TMEM242: variants seen among roughly 807,000 people sequenced by gnomAD.
The protein encoded by TMEM242 is transmembrane protein 242.
In TMEM242, 10 loss-of-function variants were observed where a neutral mutation model predicts 18.2. The observed-to-expected ratio is 0.55, with a 90% CI of 0.34 to 0.93. TMEM242 has a LOEUF of 0.93. TMEM242 is among the 40% of genes least tolerant of loss of function. The pLI is 0.02. For missense variants in TMEM242, 186 were observed against 175.5 expected, an observed-to-expected ratio of 1.06 and a Z score of -0.34; for synonymous variants, 57 against 69.9, an observed-to-expected ratio of 0.81 and a Z score of 0.92.
intron 3 of TMEM242, chr6:157,299,553 AT>A: frequency 6.5e-7 from 1 of 1,528,904 alleles, no homozygotes; most frequent in Non-Finnish European, 9.0e-7. Context: ...TTTTTGGAAA[AT>A]GCACTCAACT....
chr6:157,308,744 AAG>A (rs1777949906), intron 3 of TMEM242, among the ~76,000 whole-genome samples: 1 of 151,682 alleles, frequency 6.6e-6, no homozygotes, highest in Non-Finnish European at 1.5e-5. Context: ...TACAGGAAGA[AAG>A]AGAGTTGGGG....
intron 3 of TMEM242, among the ~76,000 whole-genome samples, chr6:157,310,517 C>A (rs1554248313): frequency 1.4e-5 from 2 of 146,692 alleles, no homozygotes; most frequent in Non-Finnish European, 3.0e-5. Flanking sequence ...TGTACACTCA[C>A]CTGGCCTCAT....
intron 2 of TMEM242, among the ~76,000 whole-genome samples, chr6:157,319,558 G>C (rs1458788662): frequency 1.3e-5 from 2 of 152,160 alleles, no homozygotes; most frequent in Non-Finnish European, 2.9e-5. Flanking sequence ...AAAGAAAAAT[G>C]AATGTCCATT....
chr6:157,310,480 T>A (rs1554248302), intron 3 of TMEM242, among the ~76,000 whole-genome samples: 8 of 150,930 alleles, frequency 5.3e-5, no homozygotes, highest in South Asian at 2.1e-4. Context: ...CAGTGTGTGC[T>A]CACCTAGCCT....
chr6:157,318,944 G>A (rs1029810925), intron 2 of TMEM242, 25 bp from the exon 3 acceptor site: 63 of 1,582,710 alleles, frequency 4.0e-5, no homozygotes, highest in Non-Finnish European at 5.1e-5. Flanking sequence ...AAAAGTTGAG[G>A]TAAAAACAAT....
intron 3 of TMEM242, chr6:157,318,405 T>G: frequency 4.4e-6 from 1 of 227,214 alleles, no homozygotes; most frequent in African/African-American, 2.2e-5. Context: ...AATTTTTTTA[T>G]AGAGACAGGG....
At chr6:157,310,425 T>C (rs1583562172) in intron 3 of TMEM242, among the ~76,000 whole-genome samples, 1 of 149,052 alleles carries the variant, frequency 6.7e-6, no homozygotes, top group African/African-American at 2.5e-5. Flanking sequence ...CCTGGCCTCA[T>C]CATAGTGTCC....
intron 3 of TMEM242, among the ~76,000 whole-genome samples, chr6:157,300,480 A>C (rs1554247451): frequency 1.3e-5 from 2 of 152,242 alleles, no homozygotes; most frequent in East Asian, 3.8e-4. Flanking sequence ...TGCTTCTATT[A>C]ACTACGGATG....
At chr6:157,295,423 C>T (rs781955321) in intron 3 of TMEM242, among the ~76,000 whole-genome samples, 1 of 152,250 alleles carries the variant, frequency 6.6e-6, no homozygotes, top group Non-Finnish European at 1.5e-5. Context: ...TCTTTCTCTT[C>T]ACTCTTCTGG....
At chr6:157,313,312 G>C (rs868988880) in intron 3 of TMEM242, among the ~76,000 whole-genome samples, 1 of 62,404 alleles carries the variant, frequency 1.6e-5, no homozygotes, top group East Asian at 4.4e-4. Context: ...TAGTGTCCCA[G>C]TGTGCGCTCA....
chr6:157,318,716 A>T, intron 3 of TMEM242, 66 bp downstream of exon 3: 1 of 1,593,996 alleles, frequency 6.3e-7, no homozygotes, highest in East Asian at 2.2e-5. Context: ...TGAAAACCAG[A>T]AAAATTTAGA....
intron 3 of TMEM242, among the ~76,000 whole-genome samples, chr6:157,311,545 T>G (rs797035164): frequency 0.11 from 1,250 of 11,270 alleles, 5 homozygotes; most frequent in East Asian, 0.17. Context: ...CATCATAGTG[T>G]CCCAGTGTGC....
At chr6:157,311,357 C>T (rs1562382930) in intron 3 of TMEM242, among the ~76,000 whole-genome samples, 18 of 139,240 alleles carry the variant, frequency 1.3e-4, no homozygotes, top group Non-Finnish European at 2.2e-4. Flanking sequence ...TGTGCGCTCA[C>T]CTAGCCTCAT....
chr6:157,310,441 TGCACTCACCTAGCCTCATC>T (rs1562381838), intron 3 of TMEM242, among the ~76,000 whole-genome samples: 2 of 152,048 alleles, frequency 1.3e-5, no homozygotes, highest in Non-Finnish European at 2.9e-5. Context: ...TGTCCCAGTG[TGCACTCACCTAGCCTCATC>T]ACAGTGCCCC....
chr6:157,313,330 T>G (rs1554249700), intron 3 of TMEM242, among the ~76,000 whole-genome samples: 1 of 145,152 alleles, frequency 6.9e-6, no homozygotes, highest in African/African-American at 2.4e-5. Context: ...TCACCTGGCC[T>G]CATCATAGTG....
intron 3 of TMEM242, among the ~76,000 whole-genome samples, chr6:157,310,636 G>T: frequency 6.6e-6 from 1 of 151,880 alleles, no homozygotes; most frequent in Non-Finnish European, 1.5e-5. Context: ...TCATCATAGT[G>T]TCCCAGTGTT....
At chr6:157,313,029 A>T (rs1554249575) in intron 3 of TMEM242, among the ~76,000 whole-genome samples, 4 of 152,096 alleles carry the variant, frequency 2.6e-5, no homozygotes, top group Admixed American at 2.0e-4. Context: ...TAGCCTCATC[A>T]TAGTGTCCCA....
At chr6:157,316,619 T>A (rs781805174) in intron 3 of TMEM242, among the ~76,000 whole-genome samples, 4 of 152,176 alleles carry the variant, frequency 2.6e-5, no homozygotes, top group Non-Finnish European at 5.9e-5. Context: ...CTCACACCTT[T>A]AATCCCAGCA....
intron 3 of TMEM242, among the ~76,000 whole-genome samples, chr6:157,296,108 G>C (rs1777745682): frequency 6.6e-6 from 1 of 152,184 alleles, no homozygotes; most frequent in African/African-American, 2.4e-5. Flanking sequence ...GGGGTTGAGT[G>C]CATTTAAGCA....
Sources: gnomAD v4.1 joint callset for allele counts (sites outside exome capture counted in the v4.1 genomes callset) on GRCh38, gnomAD v4.1.1 for gene constraint, MANE v1.5 for transcripts, NCBI Gene and HGNC (gene_info 2026-07-23, HGNC 2026-07-21) for gene names.